Variants in NIBAN2 observed in about 807,000 individuals in gnomAD.
The protein encoded by NIBAN2 is protein Niban 2.
A neutral mutation model predicts 81.8 loss-of-function variants in NIBAN2; 36 were observed. That is an observed-to-expected ratio of 0.44 (90% confidence interval 0.34 to 0.58). NIBAN2 has a LOEUF of 0.58. Ranked by LOEUF, NIBAN2 falls within the 20% of genes least tolerant of loss-of-function variation. NIBAN2 has a pLI of 0.02. For synonymous variants in NIBAN2, 445 were observed against 441.6 expected (o/e 1.01, Z -0.10); for missense variants, 897 against 1,014.1 (o/e 0.88, Z 1.57).
intron 1 of NIBAN2, among the ~76,000 whole-genome samples, chr9:127,560,797 C>A (rs996350820): frequency 6.6e-6 from 1 of 152,178 alleles, no homozygotes; most frequent in African/African-American, 2.4e-5. Flanking sequence ...TCATCACACC[C>A]CTTGATGGTC....
chr9:127,526,582 A>G (rs938293307), intron 3 of NIBAN2, among the ~76,000 whole-genome samples: 1 of 152,062 alleles, frequency 6.6e-6, no homozygotes, highest in Admixed American at 6.5e-5. Flanking sequence ...TTGCTCTAAC[A>G]TTGATCTTCC....
upstream of NIBAN2, chr9:127,569,213 C>A (rs1204585567): frequency 1.2e-5 from 6 of 489,256 alleles, no homozygotes; most frequent in African/African-American, 1.4e-4. Flanking sequence ...CCCGCCCCGC[C>A]CTCGGTCCTG....
intron 1 of NIBAN2, among the ~76,000 whole-genome samples, chr9:127,556,526 A>T (rs1837673709): frequency 6.6e-6 from 1 of 152,228 alleles, no homozygotes; most frequent in Non-Finnish European, 1.5e-5. Context: ...TGCACTAATA[A>T]ATGTTCATTA....
In NIBAN2 at chr9:127,506,895, CG is replaced by C. The variant is rs1836607595; in HGVS notation, c.2190del (p.Ala731ProfsTer22). On this transcript the variant is annotated frameshift_variant, in exon 14 of 14. Transcript: ENST00000373312. LOFTEE classifies it high-confidence loss of function. ...CTGTCCTCGGTGGTGGTGTGGAGGG[CG>C]GGGTGGCTGCTGGGGCTGGACACCT... ...GEQVSSPSSH[P>X]ALHTTTEDSA... 1 of 1,612,462 alleles carries C rather than the reference CG, an allele frequency of 6.2e-7. No homozygotes were observed. Among genetic ancestry groups the C allele is most frequent in the Non-Finnish European group, 8.5e-7 (1 of 1,179,422 alleles).
intron 2 of NIBAN2, among the ~76,000 whole-genome samples, chr9:127,528,334 T>G (rs1374753707): frequency 2.0e-5 from 3 of 152,174 alleles, no homozygotes; most frequent in Non-Finnish European, 4.4e-5. Flanking sequence ...AGGCTTCGTC[T>G]TGGATGGGAG....
At chr9:127,531,924 AT>A in intron 1 of NIBAN2, 146 bp from the exon 2 acceptor site, 1 of 1,129,002 alleles carries the variant, frequency 8.9e-7, no homozygotes. Flanking sequence ...TCTGCGCTGC[AT>A]TTCTGGCCAG....
At chr9:127,562,273 C>T (rs553678818) in intron 1 of NIBAN2, among the ~76,000 whole-genome samples, 55 of 152,286 alleles carry the variant, frequency 3.6e-4, no homozygotes, top group Middle Eastern at 3.4e-3. Context: ...CTGGGCACCA[C>T]GGATGACATA....
intron 5 of NIBAN2, among the ~76,000 whole-genome samples, chr9:127,522,722 A>G (rs1349299954): frequency 6.6e-6 from 1 of 151,420 alleles, no homozygotes; most frequent in Non-Finnish European, 1.5e-5. Context: ...CCTCTCCTCT[A>G]TGCAGGATAT....
intron 1 of NIBAN2, among the ~76,000 whole-genome samples, chr9:127,534,968 G>A (rs1837247855): frequency 2.6e-5 from 4 of 152,194 alleles, no homozygotes; most frequent in Admixed American, 2.0e-4. Context: ...CAGGTTTTAC[G>A]TATGTGAACC....
At chr9:127,569,147 A>AC (rs1837913358), upstream of NIBAN2, 1 of 799,936 alleles carries the variant, frequency 1.3e-6, no homozygotes, top group Non-Finnish European at 1.4e-6. Flanking sequence ...CCGCAGGCCA[A>AC]CCCCGCCCCC....
At chr9:127,560,404 C>A (rs1837752600) in intron 1 of NIBAN2, among the ~76,000 whole-genome samples, 1 of 152,070 alleles carries the variant, frequency 6.6e-6, no homozygotes, top group Non-Finnish European at 1.5e-5. Flanking sequence ...CTCCCATCCA[C>A]ACTCACTCAC....
intron 1 of NIBAN2, among the ~76,000 whole-genome samples, chr9:127,547,038 C>G (rs1002823024): frequency 1.3e-5 from 2 of 151,624 alleles, no homozygotes; most frequent in Admixed American, 1.3e-4. Context: ...TTCGGACAGG[C>G]ATGAAAGAGT....
At chr9:127,534,878 A>G (rs534916046) in intron 1 of NIBAN2, among the ~76,000 whole-genome samples, 149 of 152,348 alleles carry the variant, frequency 9.8e-4, no homozygotes, top group African/African-American at 3.5e-3. Context: ...AGAAAAGAGG[A>G]TGGAAGCTGA....
At chr9:127,519,088 T>C (rs1252633408) in intron 5 of NIBAN2, among the ~76,000 whole-genome samples, 1 of 143,360 alleles carries the variant, frequency 7.0e-6, no homozygotes, top group South Asian at 2.1e-4. Context: ...GGCAGGAGAA[T>C]CGCTTGAACC....
At chr9:127,571,708 C>T (rs567596222), upstream of NIBAN2, among the ~76,000 whole-genome samples, 6 of 63,920 alleles carry the variant, frequency 9.4e-5, no homozygotes, top group Admixed American at 5.2e-4. Context: ...CAAAACAAAA[C>T]CAAAGAAAAA....
chr9:127,556,623 C>A (rs1049628513), intron 1 of NIBAN2, among the ~76,000 whole-genome samples: 1 of 152,202 alleles, frequency 6.6e-6, no homozygotes, highest in Non-Finnish European at 1.5e-5. Flanking sequence ...CATCATCATG[C>A]CCATTTTACA....
At chr9:127,550,245 T>C (rs566566450) in intron 1 of NIBAN2, among the ~76,000 whole-genome samples, 21 of 152,286 alleles carry the variant, frequency 1.4e-4, no homozygotes, top group African/African-American at 4.6e-4. Context: ...CTCAACGCCC[T>C]GATGCCCTCC....
chr9:127,515,893 T>A lies in NIBAN2; in HGVS notation c.973+964A>T, dbSNP rs565185013. ...TCGCTCACATCTGTAATCCTAGCAC[T>A]TTGGGAAGCCAAGGTGGGTGGATTG... is the stretch of plus-strand genomic sequence containing the variant. On this transcript the variant is annotated intron_variant, in intron 8 of 13. Transcript: ENST00000373312. Among the ~76,000 whole-genome samples, 253 of 152,100 alleles carry A rather than the reference T, an allele frequency of 1.7e-3. 1 individual carries two copies. The highest frequency in any genetic ancestry group is 6.0e-3 in the African/African-American group (247 of 41,476).
intron 1 of NIBAN2, among the ~76,000 whole-genome samples, chr9:127,551,541 ATAT>A (rs1564315242): frequency 6.7e-6 from 1 of 149,296 alleles, no homozygotes. Flanking sequence ...ATAAATAAAA[ATAT>A]AAATAAATAA....
Sources: allele counts gnomAD v4.1 joint callset (sites outside exome capture counted in the v4.1 genomes callset), GRCh38; gene constraint gnomAD v4.1.1; transcripts MANE v1.5; gene names NCBI Gene and HGNC (gene_info 2026-07-23, HGNC 2026-07-21).